SENP7: variants seen among roughly 807,000 people sequenced by gnomAD.
The protein encoded by SENP7 is sentrin-specific protease 7.
SENP7 carries 64 observed loss-of-function variants against 141.2 expected under a neutral mutation model. The ratio of observed to expected loss-of-function variants is 0.45; its 90% CI spans 0.37 to 0.56. The LOEUF (loss-of-function observed/expected upper bound fraction) is 0.56. SENP7 is among the 20% of genes least tolerant of loss of function. The probability of loss-of-function intolerance (pLI) is 0.00; values close to 1 mark genes in which losing one functional copy is unlikely to be tolerated. For missense variants in SENP7, 1,025 were observed against 1,212.2 expected (o/e 0.85, Z 2.29); for synonymous variants, 382 against 426.4 (o/e 0.90, Z 1.28).
chr3:101,418,459 A>G (rs888814330), intron 4 of SENP7, among the ~76,000 whole-genome samples: 2 of 152,172 alleles, frequency 1.3e-5, no homozygotes, highest in Non-Finnish European at 2.9e-5. Context: ...TCCAAAAACT[A>G]TGGAATATAG....
At chr3:101,495,257 CTGGCAATG>C (rs2065118585) in intron 2 of SENP7, among the ~76,000 whole-genome samples, 1 of 152,088 alleles carries the variant, frequency 6.6e-6, no homozygotes, top group South Asian at 2.1e-4. Flanking sequence ...ACAACAGATG[CTGGCAATG>C]TAGCAGAGAA....
intron 4 of SENP7, among the ~76,000 whole-genome samples, chr3:101,431,936 C>A (rs1378397022): frequency 6.6e-6 from 1 of 152,170 alleles, no homozygotes; most frequent in Non-Finnish European, 1.5e-5. Flanking sequence ...TTTTGTCTTG[C>A]ACCTTTGGTA....
At chr3:101,469,080 A>G (rs2063875711) in intron 3 of SENP7, among the ~76,000 whole-genome samples, 2 of 152,238 alleles carry the variant, frequency 1.3e-5, no homozygotes, top group South Asian at 4.1e-4. Flanking sequence ...TCTCTGATAA[A>G]CAGACTTTAA....
At chr3:101,415,057 C>T (rs371092932) in intron 5 of SENP7, among the ~76,000 whole-genome samples, 9,250 of 109,012 alleles carry the variant, frequency 0.085, no homozygotes, top group East Asian at 0.12. Flanking sequence ...AGTGTCACCA[C>T]ACCATTTTCC....
rs1417623316 is a variant in SENP7, at chr3:101,325,410, T to C, written c.*533A>G. ...ACATTATGAATGTCTTTTTGTTACATACAGAAGGGATGCCGTAAATGGCAT... is the reference window on the plus strand; with the variant it reads ...ACATTATGAATGTCTTTTTGTTACACACAGAAGGGATGCCGTAAATGGCAT... On this transcript the variant is annotated 3_prime_UTR_variant, in exon 24 of 24. Coordinates refer to ENST00000394095, the MANE Select transcript of SENP7 (RefSeq NM_020654.5). 2 of 152,556 alleles carry C rather than the reference T, an allele frequency of 1.3e-5. No individual in the cohort carries two copies. Among genetic ancestry groups the C allele is most frequent in the East Asian group, 1.9e-4 (1 of 5,198 alleles). 9.5% of individuals were successfully genotyped at this position (152,556 alleles called of 1,614,324 possible).
At chr3:101,508,236 T>C (rs895644400) in intron 1 of SENP7, among the ~76,000 whole-genome samples, 7 of 151,976 alleles carry the variant, frequency 4.6e-5, no homozygotes, top group African/African-American at 1.5e-4. Context: ...CTCAAAACAA[T>C]GGACTCATCT....
chr3:101,494,896 A>G lies in SENP7; in HGVS notation c.91-928T>C, dbSNP rs117564319. Among the ~76,000 whole-genome samples, 165 of 152,322 alleles carry G rather than the reference A, an allele frequency of 1.1e-3. 4 individuals carry two copies. In the East Asian group the frequency reaches 0.025, roughly 23 times the overall value. On this transcript the variant is annotated intron_variant, in intron 2 of 23. Transcript: ENST00000394095. ...GGACATAGGCACAAGCAAATATCTC[A>G]TAACAAAAATGCCAAAAGCAATTGC...
intron 7 of SENP7, among the ~76,000 whole-genome samples, chr3:101,368,444 G>A (rs2060094627): frequency 6.6e-6 from 1 of 151,764 alleles, no homozygotes; most frequent in South Asian, 2.1e-4. Flanking sequence ...GATGAAGCTG[G>A]AAACCATCAT....
At chr3:101,359,886 C>T (rs1576080916) in intron 11 of SENP7, among the ~76,000 whole-genome samples, 1 of 151,814 alleles carries the variant, frequency 6.6e-6, no homozygotes, top group East Asian at 1.9e-4. Context: ...TTGAGCATAA[C>T]ATGTCCACCT....
In SENP7 at chr3:101,491,126, C is replaced by CTT. The variant is rs199912447; in HGVS notation, c.186+2745_186+2746dup. Among the ~76,000 whole-genome samples, 239 of 140,866 alleles carry CTT rather than the reference C, an allele frequency of 1.7e-3. 1 individual carries two copies. The highest frequency in any genetic ancestry group is 7.0e-3 in the East Asian group (34 of 4,876). 92.4% of individuals were successfully genotyped at this position (140,866 alleles called of 152,430 possible). Reference sequence around the variant, plus strand: ...GAGATTTTATTTGCTTCATTTTATACTTTTTTTTTTTTTTTTGAGACAGGG... The same window carrying CTT: ...GAGATTTTATTTGCTTCATTTTATACTTTTTTTTTTTTTTTTTTGAGACAGGG... On this transcript the variant is annotated intron_variant, in intron 3 of 23. Transcript: ENST00000394095.
Position 101,343,928 on chromosome 3 carries a change from C to A in SENP7, c.1864G>T (p.Glu622Ter). ...QSKSSEFIFL[E>*]LHNPVSQREE... ...CTTTGTGAAACAGGATTGTGTAGTT[C>A]AAGGAAAATGAATTCACTAGATTTT... The change falls in exon 14 of 24, where the codon GAA (glutamate) becomes TAA (stop). Residue 622 changes from glutamate to a stop codon, truncating the protein, a stop_gained. Coordinates refer to ENST00000394095, the MANE Select transcript of SENP7 (RefSeq NM_020654.5). LOFTEE classifies it high-confidence loss of function. 2 of 1,587,484 alleles carry A rather than the reference C, an allele frequency of 1.3e-6. No individual in the cohort carries two copies. Among genetic ancestry groups the A allele is most frequent in the Non-Finnish European group, 1.7e-6 (2 of 1,167,816 alleles).
chr3:101,397,136 C>T (rs1239492921), intron 6 of SENP7, among the ~76,000 whole-genome samples: 1 of 151,854 alleles, frequency 6.6e-6, no homozygotes. Context: ...AGCCACCATA[C>T]CCGGCTGTTG....
chr3:101,380,458 C>A (rs1394173793), intron 6 of SENP7, among the ~76,000 whole-genome samples: 1 of 136,148 alleles, frequency 7.3e-6, no homozygotes, highest in Non-Finnish European at 1.6e-5. Flanking sequence ...CACACACACA[C>A]AAAACAAAAC....
intron 3 of SENP7, among the ~76,000 whole-genome samples, chr3:101,487,249 C>T (rs2064767775): frequency 6.6e-6 from 1 of 152,026 alleles, no homozygotes; most frequent in Admixed American, 6.6e-5. Context: ...GGATTTAAAC[C>T]ATACCTTAAA....
chr3:101,511,056 G>A (rs1359468980), intron 1 of SENP7, among the ~76,000 whole-genome samples: 1 of 152,028 alleles, frequency 6.6e-6, no homozygotes, highest in Non-Finnish European at 1.5e-5. Flanking sequence ...AAAACTAGAG[G>A]CATACTGGAG....
chr3:101,418,166 T>C lies in SENP7; in HGVS notation c.285-376A>G, dbSNP rs80061535. 7.6e-3 allele frequency among the ~76,000 whole-genome samples: 1,163 copies of C among 152,298 alleles called. 61 individuals are homozygous for C. In the East Asian group the frequency reaches 0.15, roughly 20 times the overall value. ...CTAAAAATGTGTTTTTGTTTTAGCATTTGTTGATTCAGAAAACATTATTAA... is the reference window on the plus strand; with the variant it reads ...CTAAAAATGTGTTTTTGTTTTAGCACTTGTTGATTCAGAAAACATTATTAA... On this transcript the variant is annotated intron_variant, in intron 4 of 23. Coordinates refer to ENST00000394095, the MANE Select transcript of SENP7 (RefSeq NM_020654.5).
At chr3:101,368,412 T>A (rs2060093862) in intron 7 of SENP7, among the ~76,000 whole-genome samples, 1 of 151,764 alleles carries the variant, frequency 6.6e-6, no homozygotes, top group Non-Finnish European at 1.5e-5. Flanking sequence ...AAGGATGAGT[T>A]CATGTCCTTT....
At chr3:101,451,394 C>G (rs1474980631) in intron 4 of SENP7, among the ~76,000 whole-genome samples, 1 of 152,270 alleles carries the variant, frequency 6.6e-6, no homozygotes, top group East Asian at 1.9e-4. Flanking sequence ...GATACCAAAG[C>G]CTGGCAGAGA....
intron 3 of SENP7, among the ~76,000 whole-genome samples, chr3:101,474,542 T>C (rs999420494): frequency 1.3e-5 from 2 of 152,182 alleles, no homozygotes; most frequent in African/African-American, 4.8e-5. Flanking sequence ...ATGCTGAGAC[T>C]TTGCTGAAGT....
Sources: gnomAD v4.1 joint callset for allele counts (sites outside exome capture counted in the v4.1 genomes callset) on GRCh38, gnomAD v4.1.1 for gene constraint, MANE v1.5 for transcripts, NCBI Gene and HGNC (gene_info 2026-07-23, HGNC 2026-07-21) for gene names.